PROX2: variants seen among roughly 807,000 people sequenced by gnomAD.
PROX2 encodes prospero homeobox protein 2.
A neutral mutation model predicts 48.9 loss-of-function variants in PROX2; 46 were observed. That is an observed-to-expected ratio of 0.94 (90% CI 0.74 to 1.20). PROX2 has a LOEUF of 1.20. Ranked by LOEUF, PROX2 falls within the 50% of genes most tolerant of loss-of-function variation. PROX2 has a pLI of 0.00. For missense variants in PROX2, 663 were observed against 719.4 expected (o/e 0.92, Z 0.90); for synonymous variants, 260 against 276.6 (o/e 0.94, Z 0.60).
chr14:74,874,379 A>G (rs1883289243), intron 1 of PROX2: 1 of 223,456 alleles, frequency 4.5e-6, no homozygotes, highest in Admixed American at 5.6e-5. Context: ...CAGCCTCCCA[A>G]GTAGCTGGGA....
intron 3 of PROX2, 131 bp downstream of exon 3, chr14:74,862,399 G>GTGCAGGCT: frequency 1.0e-6 from 1 of 971,600 alleles, no homozygotes; most frequent in Non-Finnish European, 1.5e-6. Context: ...TAGCTATGTT[G>GTGCAGGCT]TGCAGGCTAG....
chr14:74,864,441 G>A (rs1478327291), intron 2 of PROX2, among the ~76,000 whole-genome samples: 2 of 152,196 alleles, frequency 1.3e-5, no homozygotes, highest in African/African-American at 2.4e-5. Flanking sequence ...CTTCCCTATG[G>A]TCATGCAGCT....
intron 2 of PROX2, among the ~76,000 whole-genome samples, chr14:74,868,351 AT>A (rs1656930209): frequency 1.3e-4 from 17 of 134,652 alleles, no homozygotes; most frequent in East Asian, 6.6e-4. Context: ...ATATATATAT[AT>A]ATATATATAA....
chr14:74,864,393 T>C (rs970621821), intron 2 of PROX2, among the ~76,000 whole-genome samples: 1 of 152,214 alleles, frequency 6.6e-6, no homozygotes, highest in African/African-American at 2.4e-5. Context: ...TCATGCCTAT[T>C]GTCTACAGAT....
rs145861708 is a variant in PROX2, at chr14:74,854,344, G to C, written c.*788C>G. 29 of 387,918 alleles carry C rather than the reference G, an allele frequency of 7.5e-5. 1 individual carries two copies. The highest frequency in any genetic ancestry group is 4.1e-4 in the African/African-American group (20 of 48,296). 24.0% of individuals were successfully genotyped at this position (387,918 alleles called of 1,614,324 possible). A position where few individuals can be genotyped will look rare whatever the true frequency, so the allele number is the denominator to read the frequency against. Reference sequence around the variant, plus strand: ...ATCAGCAGAAATCTTGGGCGGTGAAGTGCTCCTAAGTGCTGGGCAGGAGTT... The same window carrying C: ...ATCAGCAGAAATCTTGGGCGGTGAACTGCTCCTAAGTGCTGGGCAGGAGTT... On this transcript the variant is annotated 3_prime_UTR_variant, in exon 6 of 6. Transcript: ENST00000556489.
intron 2 of PROX2, among the ~76,000 whole-genome samples, chr14:74,864,577 C>T (rs2091827857): frequency 1.3e-5 from 2 of 152,224 alleles, no homozygotes; most frequent in Non-Finnish European, 1.5e-5. Flanking sequence ...TGCGGTGGCT[C>T]ACGCCTGTAA....
chr14:74,861,075 C>T (rs1405043079), intron 3 of PROX2: 6 of 499,466 alleles, frequency 1.2e-5, no homozygotes, highest in Admixed American at 1.0e-4. Context: ...TGGGGTGTTT[C>T]CAACACTTTT....
rs1883334789 is a variant in PROX2 at position 74,875,991 on chromosome 14, TG to T, written c.-407del. Among the ~76,000 whole-genome samples the T allele has an allele frequency of 6.6e-6, 1 of 152,226 alleles. No individual in the cohort carries two copies. The highest frequency in any genetic ancestry group is 6.5e-5 in the Admixed American group (1 of 15,284). On this transcript the variant is annotated 5_prime_UTR_variant, in exon 1 of 6. It removes the in-frame stop codon of an upstream open reading frame in the 5' UTR. Transcript: ENST00000556489. ...GGAGCAGCCCACTCTTCACCAGCCC[TG>T]GGCAGACAGAGCCATGGTCAGGAAG...
chr14:74,865,682 T>G (rs1240575408), intron 2 of PROX2, among the ~76,000 whole-genome samples: 1 of 151,534 alleles, frequency 6.6e-6, no homozygotes, highest in Non-Finnish European at 1.5e-5. Flanking sequence ...ATACAAAAAA[T>G]TAGCCAGGCG....
intron 1 of PROX2, among the ~76,000 whole-genome samples, chr14:74,875,206 G>T (rs553043178): frequency 5.3e-5 from 8 of 152,132 alleles, no homozygotes; most frequent in Non-Finnish European, 1.0e-4. Flanking sequence ...AAGAATAAAA[G>T]GGGGAAATGC....
chr14:74,873,993 A>G (rs1883278071), intron 1 of PROX2: 1 of 507,412 alleles, frequency 2.0e-6, no homozygotes, highest in Admixed American at 2.1e-5. Context: ...AAATATTGAC[A>G]TGGTTCAATG....
intron 1 of PROX2, among the ~76,000 whole-genome samples, chr14:74,872,623 G>C (rs186833945): frequency 6.6e-6 from 1 of 152,312 alleles, no homozygotes; most frequent in African/African-American, 2.4e-5. Flanking sequence ...ATGAAGACTT[G>C]TTCAGGGTAG....
chr14:74,870,551 T>G (rs1883187629), intron 2 of PROX2, among the ~76,000 whole-genome samples: 1 of 152,086 alleles, frequency 6.6e-6, no homozygotes, highest in Non-Finnish European at 1.5e-5. Flanking sequence ...TCTCTATTTT[T>G]TCTTTTTATT....
Position 74,856,844 on chromosome 14 carries a change from A to G in PROX2, c.1565T>C (p.Phe522Ser). ...MLVVLRNSEL[F>S]QALNMHYNKG... ...GTTGTAGTGCATATTGAGAGCTTGA[A>G]AAAGTTCTGAATTGCGGAGAACCAC... The change falls in exon 5 of 6, where the codon TTT becomes TCT. Residue 522 changes from phenylalanine (F) to serine (S), a missense_variant. Physicochemically the swap from Phe to Ser is radical, Grantham distance 155. Transcript: ENST00000556489. 6.2e-7 allele frequency: 1 copy of G among 1,614,054 alleles called. No individual in the cohort carries two copies. Among genetic ancestry groups the G allele is most frequent in the Non-Finnish European group, 8.5e-7 (1 of 1,179,892 alleles).
At chr14:74,873,230 G>A (rs1038039589) in intron 1 of PROX2, among the ~76,000 whole-genome samples, 3 of 152,196 alleles carry the variant, frequency 2.0e-5, no homozygotes, top group African/African-American at 4.8e-5. Flanking sequence ...TGATCTGCCC[G>A]CCTTGGCCTC....
At chr14:74,870,969 G>C (rs1883198918) in intron 2 of PROX2, 134 bp downstream of exon 2, 1 of 152,216 alleles carries the variant, frequency 6.6e-6, no homozygotes, top group Non-Finnish European at 1.5e-5. Flanking sequence ...TTGAACCACG[G>C]GGGTGGAGGT....
intron 1 of PROX2, among the ~76,000 whole-genome samples, chr14:74,873,269 G>A (rs1272355329): frequency 1.3e-5 from 2 of 152,128 alleles, no homozygotes; most frequent in African/African-American, 4.8e-5. Flanking sequence ...AGTCAGTCGT[G>A]AGCCACCGCG....
chr14:74,860,695 G>C (rs2091788057), intron 3 of PROX2, among the ~76,000 whole-genome samples: 1 of 152,214 alleles, frequency 6.6e-6, no homozygotes, highest in Admixed American at 6.5e-5. Flanking sequence ...AGGGGCCAGG[G>C]TGCTGCTAGG....
chr14:74,872,776 G>C (rs144065767), intron 1 of PROX2, among the ~76,000 whole-genome samples: 202 of 152,236 alleles, frequency 1.3e-3, no homozygotes, highest in Middle Eastern at 3.4e-3. Flanking sequence ...TCCATCTCTG[G>C]TCCAGCCCTG....
Sources: gnomAD v4.1 joint callset for allele counts (sites outside exome capture counted in the v4.1 genomes callset) on GRCh38, gnomAD v4.1.1 for gene constraint, MANE v1.5 for transcripts, NCBI Gene and HGNC (gene_info 2026-07-23, HGNC 2026-07-21) for gene names.